FILIP1L: variants seen among roughly 807,000 people sequenced by gnomAD.
FILIP1L encodes filamin A-interacting protein 1-like.
Under a neutral mutation model 96.6 loss-of-function variants are expected in FILIP1L, and 55 were observed. The observed-to-expected ratio is 0.57, with a 90% CI of 0.46 to 0.71. The LOEUF is 0.71. FILIP1L is among the 30% of genes least tolerant of loss of function. The pLI, the probability that FILIP1L is intolerant of heterozygous loss-of-function variation, is 0.00. For synonymous variants in FILIP1L, 467 were observed against 473.9 expected (o/e 0.99, Z 0.19); for missense variants, 1,304 against 1,321.2 (o/e 0.99, Z 0.20).
At chr3:100,050,906 A>G (rs2065360170) in intron 1 of FILIP1L, among the ~76,000 whole-genome samples, 1 of 152,170 alleles carries the variant, frequency 6.6e-6, no homozygotes, top group African/African-American at 2.4e-5. Context: ...GGAGCATGGA[A>G]GTGGCTCCTT....
chr3:99,937,183 C>T lies in FILIP1L; in HGVS notation c.-10-6153G>A, dbSNP rs974733508. Reference sequence around the variant, plus strand: ...GAACTCCTGACCACAGGTGATCCACCCGCCTCAGCCTCCCAAAGTGCTGGG... The same window carrying T: ...GAACTCCTGACCACAGGTGATCCACTCGCCTCAGCCTCCCAAAGTGCTGGG... On this transcript the variant is annotated intron_variant, in intron 1 of 5. Transcript: ENST00000477258. 9.2e-5 allele frequency among the ~76,000 whole-genome samples: 14 copies of T among 152,112 alleles called. 1 individual carries two copies. The highest frequency in any genetic ancestry group is 8.5e-4 in the Admixed American group (13 of 15,286).
chr3:100,093,187 C>T (rs1332169777), intron 1 of FILIP1L, among the ~76,000 whole-genome samples: 1 of 152,118 alleles, frequency 6.6e-6, no homozygotes, highest in Non-Finnish European at 1.5e-5. Flanking sequence ...ACAGGGACCT[C>T]TGGCCTAACA....
intron 1 of FILIP1L, among the ~76,000 whole-genome samples, chr3:100,031,485 A>G (rs1025866761): frequency 2.6e-5 from 4 of 152,010 alleles, no homozygotes; most frequent in Non-Finnish European, 4.4e-5. Flanking sequence ...TCCTTTTTTC[A>G]AATATAAAGG....
chr3:100,034,299 G>C (rs1477778665), intron 1 of FILIP1L, among the ~76,000 whole-genome samples: 1 of 152,202 alleles, frequency 6.6e-6, no homozygotes, highest in African/African-American at 2.4e-5. Flanking sequence ...ACCACTTATT[G>C]TCTGGAGAAA....
intron 5 of FILIP1L, among the ~76,000 whole-genome samples, chr3:99,831,251 C>T (rs1234971296): frequency 6.6e-6 from 1 of 152,132 alleles, no homozygotes; most frequent in East Asian, 1.9e-4. Context: ...TTCAGGAAAA[C>T]GTTTACTTAG....
chr3:99,934,925 A>G (rs549940115), intron 1 of FILIP1L, among the ~76,000 whole-genome samples: 1 of 152,308 alleles, frequency 6.6e-6, no homozygotes, highest in East Asian at 1.9e-4. Context: ...CAACATTCTC[A>G]CTGATTAATG....
chr3:99,906,580 A>G (rs1157070763), intron 4 of FILIP1L, among the ~76,000 whole-genome samples: 2 of 152,196 alleles, frequency 1.3e-5, no homozygotes, highest in African/African-American at 2.4e-5. Context: ...TGTTCTTTTC[A>G]AGAAATTTTT....
At chr3:99,937,541 C>A (rs1707718279) in intron 1 of FILIP1L, among the ~76,000 whole-genome samples, 2 of 152,166 alleles carry the variant, frequency 1.3e-5, no homozygotes, top group Admixed American at 1.3e-4. Context: ...AGCTCTGTGG[C>A]CTTGGGCGTC....
intron 1 of FILIP1L, among the ~76,000 whole-genome samples, chr3:99,951,412 A>G (rs1708173162): frequency 6.6e-6 from 1 of 152,122 alleles, no homozygotes; most frequent in Admixed American, 6.5e-5. Context: ...TGCGCATAGT[A>G]TGTACTCTGT....
intron 1 of FILIP1L, among the ~76,000 whole-genome samples, chr3:100,034,930 T>G (rs752984731): frequency 7.2e-5 from 11 of 152,186 alleles, no homozygotes; most frequent in Admixed American, 2.6e-4. Context: ...ATTTTAATGT[T>G]TTGACTATCA....
At chr3:99,996,710 A>G (rs1417412269) in intron 1 of FILIP1L, among the ~76,000 whole-genome samples, 56 of 152,320 alleles carry the variant, frequency 3.7e-4, no homozygotes, top group Non-Finnish European at 1.6e-4. Flanking sequence ...AATGAGGAAG[A>G]TGCAAAAGCG....
rs779314055 is a variant in FILIP1L, at chr3:99,930,918, G to T, written c.103C>A (p.Gln35Lys). The T allele has an allele frequency of 2.5e-6, 4 of 1,613,404 alleles. No individual in the cohort carries two copies. The highest frequency in any genetic ancestry group is 1.1e-5 in the South Asian group (1 of 91,016). The change falls in exon 2 of 6, where the codon CAG becomes AAG. Residue 35 changes from glutamine to lysine, a missense_variant. Coordinates refer to ENST00000477258, the MANE Select transcript of FILIP1L (RefSeq NM_001387850.1). ...FQGPKNMKHRQQDKDSPSESD... is the reference protein window; with the variant it reads ...FQGPKNMKHRKQDKDSPSESD... ...TCACTGGGGGAGTCTTTGTCTTGCT[G>T]TCTATGCTTCATGTTTTTAGGCCCT...
At chr3:100,076,283 C>G (rs1299281433) in intron 1 of FILIP1L, among the ~76,000 whole-genome samples, 4 of 152,114 alleles carry the variant, frequency 2.6e-5, no homozygotes, top group Non-Finnish European at 5.9e-5. Flanking sequence ...ATATATTTTT[C>G]CCTCTCTAAA....
At chr3:99,833,829 C>A (rs1942785286) in intron 5 of FILIP1L, among the ~76,000 whole-genome samples, 1 of 152,186 alleles carries the variant, frequency 6.6e-6, no homozygotes, top group Non-Finnish European at 1.5e-5. Context: ...CTGCTCACTC[C>A]CTTGGGGACT....
intron 1 of FILIP1L, among the ~76,000 whole-genome samples, chr3:100,065,700 T>C (rs2065652212): frequency 6.6e-6 from 1 of 152,238 alleles, no homozygotes; most frequent in African/African-American, 2.4e-5. Flanking sequence ...TTGTTTTCCT[T>C]GCTATGTCAT....
At chr3:99,982,889 C>G (rs1024928166) in intron 1 of FILIP1L, among the ~76,000 whole-genome samples, 1 of 152,130 alleles carries the variant, frequency 6.6e-6, no homozygotes, top group African/African-American at 2.4e-5. Context: ...AGGCTTGCAG[C>G]TGAAGACAGC....
intron 1 of FILIP1L, among the ~76,000 whole-genome samples, chr3:99,986,000 C>T (rs544847078): frequency 5.3e-5 from 8 of 152,272 alleles, no homozygotes; most frequent in African/African-American, 1.9e-4. Flanking sequence ...ACTAATAGGA[C>T]TTAATGAGAT....
intron 4 of FILIP1L, among the ~76,000 whole-genome samples, chr3:99,891,427 CT>C (rs1472843085): frequency 6.6e-6 from 1 of 152,148 alleles, no homozygotes; most frequent in East Asian, 1.9e-4. Context: ...AGCTTTTGTG[CT>C]TTGCTTTACC....
At chr3:99,914,073 G>A (rs955846209) in intron 4 of FILIP1L, among the ~76,000 whole-genome samples, 3 of 152,174 alleles carry the variant, frequency 2.0e-5, no homozygotes, top group Non-Finnish European at 4.4e-5. Flanking sequence ...AAATTAGAGA[G>A]GGAATTTGGC....
Sources: gnomAD v4.1 joint callset for allele counts (sites outside exome capture counted in the v4.1 genomes callset) on GRCh38, gnomAD v4.1.1 for gene constraint, MANE v1.5 for transcripts, NCBI Gene and HGNC (gene_info 2026-07-23, HGNC 2026-07-21) for gene names.